PAXIP1: variants seen among roughly 807,000 people sequenced by gnomAD.
The protein encoded by PAXIP1 is PAX-interacting protein 1.
In PAXIP1, 19 loss-of-function variants were observed where a neutral mutation model predicts 140.6. The ratio of observed to expected loss-of-function variants is 0.14; its 90% CI spans 0.09 to 0.20. The LOEUF (loss-of-function observed/expected upper bound fraction) is 0.20. Ranked by LOEUF, PAXIP1 falls within the 10% of genes least tolerant of loss-of-function variation. The pLI is 1.00. For synonymous variants in PAXIP1, 442 were observed against 444.6 expected, an observed-to-expected ratio of 0.99 and a Z score of 0.07; for missense variants, 920 against 1,208.6, an observed-to-expected ratio of 0.76 and a Z score of 3.54.
intron 1 of PAXIP1, chr7:155,001,738 T>TCCACCCG (rs1314779102): frequency 6.6e-6 from 1 of 152,282 alleles, no homozygotes; most frequent in African/African-American, 2.4e-5. Context: ...CCTCAGGTGA[T>TCCACCCG]CCACCCGCCT....
Position 154,954,400 on chromosome 7 carries a change from C to T in PAXIP1, c.2676G>A (p.Glu892=), listed in dbSNP as rs756505960. The T allele has an allele frequency of 1.3e-6, 2 of 1,564,008 alleles. No individual in the cohort carries two copies. The highest frequency in any genetic ancestry group is 2.3e-5 in the South Asian group (2 of 85,614). ...TGCACTTCTGTGCAGACTCCGCAAC[C>T]TCTCCACCAAGAATGTAGAGCTTCT... The part of the protein sequence containing the change: ...YIKKLYILGG[E]VAESAQKCTH... Residue 892 remains glutamate, a synonymous_variant, in exon 16 of 21, where the codon GAG becomes GAA. Coordinates refer to ENST00000404141, the MANE Select transcript of PAXIP1 (RefSeq NM_007349.4). The surrounding 1 kb of genome is among the most constrained non-coding windows in gnomAD (Gnocchi z 5.1).
rs370668555 is a variant in PAXIP1, at chr7:154,976,136, C to A, written c.634G>T (p.Gly212Cys). Residue 212 changes from glycine to cysteine, a missense_variant, in exon 6 of 21, where the codon GGT (glycine) becomes TGT (cysteine). Coordinates refer to ENST00000404141, the MANE Select transcript of PAXIP1 (RefSeq NM_007349.4). ...GGGCTTGACTTCTCATCTGTACTAC[C>A]CTCATTCTGAGAATCTTGTTCCTCA... Reference protein sequence around the residue: ...ENEEQDSQNEGSTDEKSSPAS... With the variant: ...ENEEQDSQNECSTDEKSSPAS... The A allele has an allele frequency of 2.1e-5, 33 of 1,574,108 alleles. No homozygotes were observed. The African/African-American group carries it at 4.2e-4, about 20-fold the overall frequency.
At chr7:154,966,230 C>T (rs532972591) in intron 8 of PAXIP1, among the ~76,000 whole-genome samples, 1 of 152,298 alleles carries the variant, frequency 6.6e-6, no homozygotes, top group Non-Finnish European at 1.5e-5. Flanking sequence ...ATGGAAGAAG[C>T]TGCTCCATTG....
intron 3 of PAXIP1, among the ~76,000 whole-genome samples, chr7:154,991,870 A>AT (rs1183688400): frequency 6.6e-6 from 1 of 152,230 alleles, no homozygotes; most frequent in Non-Finnish European, 1.5e-5. Context: ...AAGTATACTG[A>AT]TTGAGATAGG....
Position 154,969,459 on chromosome 7 carries a change from C to T in PAXIP1, c.1075-333G>A, listed in dbSNP as rs563507273. On this transcript the variant is annotated intron_variant, in intron 6 of 20. Transcript: ENST00000404141. ...TGGGAGTCCTGTGCACACCTGGTAG[C>T]TAAGCCTTGGTGCTCCCTGCACCGT... Among the ~76,000 whole-genome samples the T allele has an allele frequency of 2.6e-5, 4 of 152,348 alleles. No individual in the cohort carries two copies. In the South Asian group the frequency reaches 8.3e-4, roughly 32 times the overall value.
chr7:154,961,581 C>G lies in PAXIP1; in HGVS notation c.2195G>C (p.Gly732Ala). 1 of 1,604,904 alleles carries G rather than the reference C, an allele frequency of 6.2e-7. No individual in the cohort carries two copies. The highest frequency in any genetic ancestry group is 8.5e-7 in the Non-Finnish European group (1 of 1,174,132). ...GCATAGATAACCCGTATATTTGGCACCTGCCAAATAAGCCATTAATTTTAG... is the reference window on the plus strand; with the variant it reads ...GCATAGATAACCCGTATATTTGGCAGCTGCCAAATAAGCCATTAATTTTAG... ...DDLKLMAYLA[G>A]AKYTGYLCRS... is the part of the protein sequence containing the mutation. The change falls in exon 11 of 21, where the codon GGT becomes GCT. Residue 732 changes from glycine (G) to alanine (A), a missense_variant. By Grantham distance (60) the Gly-to-Ala change is moderately conservative. Coordinates refer to ENST00000404141, the MANE Select transcript of PAXIP1 (RefSeq NM_007349.4).
At position 154,976,498 on chromosome 7, in the gene PAXIP1, A is replaced by G. The variant is rs11982543; in HGVS notation, c.439-167T>C. Among the ~76,000 whole-genome samples the G allele has an allele frequency of 9.4e-3, 1,434 of 152,366 alleles. 25 individuals are homozygous for G. Among genetic ancestry groups the G allele is most frequent in the African/African-American group, 0.031 (1,294 of 41,592 alleles). On this transcript the variant is annotated intron_variant, in intron 5 of 20. Coordinates refer to ENST00000404141, the MANE Select transcript of PAXIP1 (RefSeq NM_007349.4). The stretch of plus-strand genomic sequence containing the variant: ...ACGTTTGATCTTTTAGACAGAGGAC[A>G]TGAGGCAAAAGTGAAAAGGAACCAT...
At chr7:154,960,064 G>GT (rs1808691843) in intron 12 of PAXIP1, 131 bp from the exon 13 acceptor site, 5 of 647,366 alleles carry the variant, frequency 7.7e-6, no homozygotes, top group Non-Finnish European at 5.5e-6. Flanking sequence ...AAGGATAAAT[G>GT]TAAGTACTAT....
Position 154,975,661 on chromosome 7 carries a change from C to A in PAXIP1, c.1074+35G>T, listed in dbSNP as rs1585064282. ...GACTGTGAAATCCAATTCTAAGATC[C>A]AATACTGACATTTTTTTCGGAAAGA... On this transcript the variant is annotated intron_variant, in intron 6 of 20. Coordinates refer to ENST00000404141, the MANE Select transcript of PAXIP1 (RefSeq NM_007349.4). 6 of 1,412,092 alleles carry A rather than the reference C, an allele frequency of 4.2e-6. No homozygotes were observed. In the East Asian group the frequency reaches 1.1e-4, roughly 27 times the overall value. 87.5% of individuals were successfully genotyped at this position (1,412,092 alleles called of 1,614,324 possible).
chr7:154,968,611 C>CTGT lies in PAXIP1; in HGVS notation c.1587_1589dup (p.Gln531dup), dbSNP rs773129288. On this transcript the variant is annotated inframe_insertion, in exon 7 of 21. Coordinates refer to ENST00000404141, the MANE Select transcript of PAXIP1 (RefSeq NM_007349.4). ...GCTGGAGCTGCTGCTGCTGAATCTG[C>CTGT]TGTTGCTGCTGCTGCTGGAGCAGGC... is the stretch of plus-strand genomic sequence containing the variant. 1.4e-6 allele frequency: 1 copy of CTGT among 716,570 alleles called. No individual in the cohort carries two copies. The allele number at this position is 716,570 out of a possible 1,614,324, so 44.4% of individuals were successfully genotyped here.
chr7:154,986,268 G>T lies in PAXIP1; in HGVS notation c.325-2936C>A. 1.1e-6 allele frequency: 1 copy of T among 909,322 alleles called. No homozygotes were observed. Among genetic ancestry groups the T allele is most frequent in the Non-Finnish European group, 1.5e-6 (1 of 666,408 alleles). 56.3% of individuals were successfully genotyped at this position (909,322 alleles called of 1,614,324 possible). On this transcript the variant is annotated intron_variant, in intron 4 of 20. Coordinates refer to ENST00000404141, the MANE Select transcript of PAXIP1 (RefSeq NM_007349.4). This position sits in a 1 kb window ranked among gnomAD's most constrained non-coding sequence, Gnocchi z 4.8. ...GGTCCTGCCTGGCGTGTGCATGTGA[G>T]TGTGTGTGCGCATGGGTGCTCCAGT... is the stretch of plus-strand genomic sequence containing the variant.
At position 154,968,714 on chromosome 7, in the gene PAXIP1, G is replaced by A; in HGVS notation, c.1487C>T (p.Ala496Val). The A allele has an allele frequency of 2.8e-6, 2 of 717,644 alleles. No homozygotes were observed. Among genetic ancestry groups the A allele is most frequent in the Non-Finnish European group, 5.2e-6 (2 of 384,942 alleles). 44.5% of individuals were successfully genotyped at this position (717,644 alleles called of 1,614,324 possible). The change falls in exon 7 of 21, where the codon GCC (alanine) becomes GTC (valine). Residue 496 changes from alanine (A) to valine (V), a missense_variant. This residue lies in a region of PAXIP1 where 133 missense variants were observed against 88.4 expected (regional missense o/e 1.50). Transcript: ENST00000404141. ...CAGCTGATGGAACTGCTGCTGCAGG[G>A]CATGCTGCTGCTGAAAGGGCTGGAG... ...QQLQPFQQQH[A>V]LQQQFHQLQQ...
chr7:154,969,547 G>C (rs1314966123), intron 6 of PAXIP1, among the ~76,000 whole-genome samples: 1 of 152,250 alleles, frequency 6.6e-6, no homozygotes, highest in South Asian at 2.1e-4. Flanking sequence ...CCTGGCCCAG[G>C]AATGCACTGA....
At position 154,944,099 on chromosome 7, in the gene PAXIP1, C is replaced by A; in HGVS notation, c.*50G>T. On this transcript the variant is annotated 3_prime_UTR_variant, in exon 21 of 21. Transcript: ENST00000404141. ...GCGCAGCAGCTCCTCGCCAGCCAGACAGCCAGCCCCGCACCGCAGGAGTCG... is the reference window on the plus strand; with the variant it reads ...GCGCAGCAGCTCCTCGCCAGCCAGAAAGCCAGCCCCGCACCGCAGGAGTCG... 1 of 1,603,000 alleles carries A rather than the reference C, an allele frequency of 6.2e-7. No homozygotes were observed. The highest frequency in any genetic ancestry group is 8.5e-7 in the Non-Finnish European group (1 of 1,171,508).
intron 20 of PAXIP1, chr7:154,945,854 T>C (rs1445493141): frequency 2.0e-6 from 2 of 985,148 alleles, no homozygotes; most frequent in African/African-American, 1.7e-5. Context: ...ATGTCTGAAA[T>C]AGAAAAAAGC....
At chr7:154,980,164 G>A (rs1015778009) in intron 5 of PAXIP1, among the ~76,000 whole-genome samples, 1 of 151,460 alleles carries the variant, frequency 6.6e-6, no homozygotes, top group African/African-American at 2.4e-5. Context: ...AATATCTGGA[G>A]GTATGTACTT....
chr7:154,978,819 A>G (rs923411676), intron 5 of PAXIP1, among the ~76,000 whole-genome samples: 22 of 152,350 alleles, frequency 1.4e-4, no homozygotes, highest in African/African-American at 5.3e-4. Context: ...AAACAAAACT[A>G]CTGCCATGAA....
At chr7:155,003,183 CGCCGAGGAGCCGCCCGGCCTCCAGTGA>C (rs1811020579), upstream of PAXIP1, 1 of 150,896 alleles carries the variant, frequency 6.6e-6, no homozygotes, top group Non-Finnish European at 1.5e-5. Context: ...CGAGGGGGAG[CGCCGAGGAGCCGCCCGGCCTCCAGTGA>C]CGCCCCGCGC....
chr7:154,968,795 T>G lies in PAXIP1; in HGVS notation c.1406A>C (p.Gln469Pro). 1 of 723,412 alleles carries G rather than the reference T, an allele frequency of 1.4e-6. No individual in the cohort carries two copies. The allele number at this position is 723,412 out of a possible 1,614,324, so 44.8% of individuals were successfully genotyped here. ...HPHQFSQQQL[Q>P]FPQQQLHPPQ... is the part of the protein sequence containing the mutation. Reference sequence around the variant, plus strand: ...AGGATGCAACTGTTGCTGTGGAAACTGTAGCTGTTGCTGTGAAAACTGATG... The same window carrying G: ...AGGATGCAACTGTTGCTGTGGAAACGGTAGCTGTTGCTGTGAAAACTGATG... The change falls in exon 7 of 21, where the codon CAG becomes CCG. Residue 469 changes from glutamine (Q) to proline (P), a missense_variant. Around this residue, in one of 5 missense-constraint regions of PAXIP1, gnomAD observed 133 missense variants for 88.4 expected, o/e 1.50. Coordinates refer to ENST00000404141, the MANE Select transcript of PAXIP1 (RefSeq NM_007349.4).
Sources: allele counts gnomAD v4.1 joint callset (sites outside exome capture counted in the v4.1 genomes callset), GRCh38; gene constraint gnomAD v4.1.1; regional missense constraint gnomAD v4.1.1; non-coding constraint Gnocchi (gnomAD v3.1); transcripts MANE v1.5; gene names NCBI Gene and HGNC (gene_info 2026-07-23, HGNC 2026-07-21).